Variants in KCNJ6 observed in about 807,000 individuals in gnomAD.
KCNJ6 encodes G protein-activated inward rectifier potassium channel 2.
KCNJ6 carries 9 observed loss-of-function variants against 34.2 expected under a neutral mutation model. That is an observed-to-expected ratio of 0.26 (90% CI 0.16 to 0.46). The LOEUF is 0.46. Ranked by LOEUF, KCNJ6 falls within the 20% of genes least tolerant of loss-of-function variation. The pLI is 1.00. For missense variants in KCNJ6, 236 were observed against 531.3 expected (o/e 0.44, Z 5.46); for synonymous variants, 196 against 207.1 (o/e 0.95, Z 0.46).
chr21:37,742,182 T>C (rs2054944473), intron 2 of KCNJ6, among the ~76,000 whole-genome samples: 1 of 152,216 alleles, frequency 6.6e-6, no homozygotes, highest in South Asian at 2.1e-4. Flanking sequence ...ATCAGGGAAA[T>C]TTGGTTATTA....
intron 2 of KCNJ6, among the ~76,000 whole-genome samples, chr21:37,784,817 T>G (rs1225489103): frequency 1.3e-5 from 2 of 152,170 alleles, no homozygotes; most frequent in Admixed American, 6.5e-5. Context: ...CTGCTTGTTA[T>G]GACTTGTCTC....
chr21:37,747,985 C>A (rs2054976000), intron 2 of KCNJ6, among the ~76,000 whole-genome samples: 1 of 152,136 alleles, frequency 6.6e-6, no homozygotes, highest in African/African-American at 2.4e-5. Context: ...ACCTTGGAGA[C>A]CCAGTGATGG....
chr21:37,672,046 C>CT (rs1481087366), intron 3 of KCNJ6, among the ~76,000 whole-genome samples: 3 of 151,814 alleles, frequency 2.0e-5, no homozygotes, highest in South Asian at 2.1e-4. Context: ...CTTTCTGTTT[C>CT]TTTTTTTTAC....
At chr21:37,912,082 T>C (rs1049348378) in intron 1 of KCNJ6, among the ~76,000 whole-genome samples, 1 of 152,154 alleles carries the variant, frequency 6.6e-6, no homozygotes, top group Non-Finnish European at 1.5e-5. Context: ...AAGGAAAACA[T>C]ACTAATGTTT....
chr21:37,829,407 G>A (rs1202032621), intron 2 of KCNJ6, among the ~76,000 whole-genome samples: 1 of 152,220 alleles, frequency 6.6e-6, no homozygotes, highest in Non-Finnish European at 1.5e-5. Flanking sequence ...TGGGAGCTGG[G>A]GGCCTCCAGC....
chr21:37,665,694 G>A (rs151227710), intron 3 of KCNJ6, among the ~76,000 whole-genome samples: 53 of 152,342 alleles, frequency 3.5e-4, no homozygotes, highest in African/African-American at 1.2e-3. Flanking sequence ...GGTCGACCAA[G>A]TGTCTGCTCG....
intron 3 of KCNJ6, among the ~76,000 whole-genome samples, chr21:37,705,473 G>T (rs990082284): frequency 2.6e-5 from 4 of 152,198 alleles, no homozygotes; most frequent in African/African-American, 9.7e-5. Flanking sequence ...CATTAGGCAT[G>T]AAATAAATGA....
At chr21:37,727,468 TGTGTGTGCATGG>T (rs2054860720) in intron 2 of KCNJ6, among the ~76,000 whole-genome samples, 1 of 149,212 alleles carries the variant, frequency 6.7e-6, no homozygotes. Context: ...CGTGTGTGTG[TGTGTGTGCATGG>T]ATGTGTGTGC....
intron 1 of KCNJ6, among the ~76,000 whole-genome samples, chr21:37,877,779 G>T (rs2055686230): frequency 6.6e-6 from 1 of 152,250 alleles, no homozygotes; most frequent in South Asian, 2.1e-4. Context: ...TGGGACTGTG[G>T]ATTTGAACAC....
rs2054264730 is a variant in KCNJ6, at chr21:37,615,834, G to C, written c.*9325C>G. The C allele has an allele frequency of 6.6e-6, 1 of 152,206 alleles. No homozygotes were observed. The highest frequency in any genetic ancestry group is 2.1e-4 in the South Asian group (1 of 4,830). 9.4% of individuals were successfully genotyped at this position (152,206 alleles called of 1,614,324 possible). ...AACTCTTTGGACATCTGTTACATGGGATAATACAAAAATAATTTTGAAAAT... is the reference window on the plus strand; with the variant it reads ...AACTCTTTGGACATCTGTTACATGGCATAATACAAAAATAATTTTGAAAAT... On this transcript the variant is annotated 3_prime_UTR_variant, in exon 4 of 4. Coordinates refer to ENST00000609713, the MANE Select transcript of KCNJ6 (RefSeq NM_002240.5).
intron 2 of KCNJ6, among the ~76,000 whole-genome samples, chr21:37,806,548 G>A (rs899653589): frequency 6.6e-6 from 1 of 152,168 alleles, no homozygotes; most frequent in African/African-American, 2.4e-5. Context: ...ATCATGCTGA[G>A]GAGATTTATT....
Position 37,613,602 on chromosome 21 carries a change from C to G in KCNJ6, c.*11557G>C, listed in dbSNP as rs922167909. On this transcript the variant is annotated 3_prime_UTR_variant, in exon 4 of 4. Transcript: ENST00000609713. ...GTTTGGTGCTAAAAAAGTGAGCTCT[C>G]AAGCCATAAAAAGATATGAGGGAAA... The G allele has an allele frequency of 6.6e-6, 1 of 151,418 alleles. No individual in the cohort carries two copies. Among genetic ancestry groups the G allele is most frequent in the Non-Finnish European group, 1.5e-5 (1 of 67,480 alleles). The allele number at this position is 151,418 out of a possible 1,614,324, so 9.4% of individuals were successfully genotyped here. A position where few individuals can be genotyped will look rare whatever the true frequency, so the allele number is the denominator to read the frequency against.
intron 1 of KCNJ6, among the ~76,000 whole-genome samples, chr21:37,897,322 G>C (rs895956092): frequency 3.3e-5 from 5 of 152,196 alleles, no homozygotes; most frequent in Admixed American, 6.5e-5. Flanking sequence ...TTCAGTCCTG[G>C]CTGGAAGGTG....
At chr21:37,648,908 G>A (rs1009876753) in intron 3 of KCNJ6, among the ~76,000 whole-genome samples, 2 of 152,022 alleles carry the variant, frequency 1.3e-5, no homozygotes, top group African/African-American at 4.8e-5. Context: ...AAGGCGGGCA[G>A]ATCACCTGAG....
intron 3 of KCNJ6, among the ~76,000 whole-genome samples, chr21:37,697,601 T>C (rs1167277998): frequency 6.6e-6 from 1 of 152,140 alleles, no homozygotes; most frequent in Non-Finnish European, 1.5e-5. Context: ...CTTAGGGTCT[T>C]TGTGAGGGCT....
rs1240920590 is a variant in KCNJ6, at chr21:37,617,830, C to T, written c.*7329G>A. ...ACTTGGACTTTCACATGGGAGGGCA[C>T]CCCTGTGCTTAGCAGATGCTAAAGG... is the stretch of plus-strand genomic sequence containing the variant. On this transcript the variant is annotated 3_prime_UTR_variant, in exon 4 of 4. Transcript: ENST00000609713. 1 of 152,222 alleles carries T rather than the reference C, an allele frequency of 6.6e-6. No individual in the cohort carries two copies. Among genetic ancestry groups the T allele is most frequent in the East Asian group, 1.9e-4 (1 of 5,196 alleles). The allele number at this position is 152,222 out of a possible 1,614,324, so 9.4% of individuals were successfully genotyped here.
At chr21:37,909,025 C>A (rs891346997) in intron 1 of KCNJ6, among the ~76,000 whole-genome samples, 2 of 152,194 alleles carry the variant, frequency 1.3e-5, no homozygotes, top group Non-Finnish European at 2.9e-5. Context: ...TACTTCTAGG[C>A]CCGGATCATT....
chr21:37,829,474 C>T (rs1301855541), intron 2 of KCNJ6, among the ~76,000 whole-genome samples: 2 of 152,144 alleles, frequency 1.3e-5, no homozygotes, highest in Admixed American at 1.3e-4. Flanking sequence ...GTCACCTGGG[C>T]ACCCCACTGG....
chr21:37,702,197 C>T (rs1043257954), intron 3 of KCNJ6, among the ~76,000 whole-genome samples: 1 of 140,860 alleles, frequency 7.1e-6, no homozygotes, highest in South Asian at 2.3e-4. Flanking sequence ...CGTACCACTG[C>T]ACTCTAGCCT....
Sources: allele counts gnomAD v4.1 joint callset (sites outside exome capture counted in the v4.1 genomes callset), GRCh38; gene constraint gnomAD v4.1.1; transcripts MANE v1.5; gene names NCBI Gene and HGNC (gene_info 2026-07-23, HGNC 2026-07-21).